ANKRD6: variants seen among roughly 807,000 people sequenced by gnomAD.
The protein encoded by ANKRD6 is ankyrin repeat domain-containing protein 6.
In ANKRD6, 56 loss-of-function variants were observed where a neutral mutation model predicts 82.3. The observed-to-expected ratio is 0.68, with a 90% CI of 0.55 to 0.85. The LOEUF is 0.85. Ranked by LOEUF, ANKRD6 falls within the 40% of genes least tolerant of loss-of-function variation. The pLI is 0.00. For synonymous variants in ANKRD6, 347 were observed against 352.1 expected (o/e 0.99, Z 0.16); for missense variants, 852 against 907.6 (o/e 0.94, Z 0.79).
chr6:89,477,224 G>A (rs902671795), intron 1 of ANKRD6, among the ~76,000 whole-genome samples: 18 of 152,084 alleles, frequency 1.2e-4, no homozygotes, highest in South Asian at 4.1e-4. Flanking sequence ...GATTACAGGC[G>A]TGAGCCACCG....
rs1772084393 is a variant in ANKRD6 at position 89,446,321 on chromosome 6, C to T, written c.-144+12946C>T. ...GAGTCAAGATCGTGCCATTGCACTC[C>T]AGCCTGGGCAACAAGGGCGAAACTT... On this transcript the variant is annotated intron_variant, in intron 1 of 15. Transcript: ENST00000339746. Among the ~76,000 whole-genome samples the T allele has an allele frequency of 3.3e-5, 5 of 151,900 alleles. No individual in the cohort carries two copies. The South Asian group carries it at 1.0e-3, about 32-fold the overall frequency.
rs960327335 is a variant in ANKRD6, at chr6:89,631,689, ATTGT to A, written c.*691_*694del. 7.1e-4 allele frequency: 108 copies of A among 152,332 alleles called. No homozygotes were observed. Among genetic ancestry groups the A allele is most frequent in the African/African-American group, 1.9e-3 (77 of 41,574 alleles). The allele number at this position is 152,332 out of a possible 1,614,324, so 9.4% of individuals were successfully genotyped here. A position where few individuals can be genotyped will look rare whatever the true frequency, so the allele number is the denominator to read the frequency against. ...ATGAGATCAAATGAGAAAGATTCAA[ATTGT>A]TTGTTATTTTCTGTATTTTCAGTCA... is the stretch of plus-strand genomic sequence containing the variant. On this transcript the variant is annotated 3_prime_UTR_variant, in exon 16 of 16. Coordinates refer to ENST00000339746, the MANE Select transcript of ANKRD6 (RefSeq NM_001242809.2).
chr6:89,552,690 C>A (rs1000708402), intron 1 of ANKRD6, among the ~76,000 whole-genome samples: 2 of 152,296 alleles, frequency 1.3e-5, no homozygotes, highest in Admixed American at 1.3e-4. Flanking sequence ...TGCTTATCAT[C>A]TACTCCCTTG....
chr6:89,462,243 AATAATAAT>A lies in ANKRD6; in HGVS notation c.-144+28870_-144+28877del, dbSNP rs1386814428. On this transcript the variant is annotated intron_variant, in intron 1 of 15. Transcript: ENST00000339746. ...TGAGACTCCATCTCAAAATAATAAT[AATAATAAT>A]AATAATAATAATAATAATAAATACA... 7.9e-3 allele frequency among the ~76,000 whole-genome samples: 1,163 copies of A among 147,682 alleles called. 23 individuals carry two copies. Among genetic ancestry groups the A allele is most frequent in the African/African-American group, 0.027 (1,081 of 40,650 alleles).
At chr6:89,602,957 T>A (rs1267449626) in intron 3 of ANKRD6, 72 bp from the exon 4 acceptor site, 9 of 1,277,110 alleles carry the variant, frequency 7.0e-6, no homozygotes, top group Non-Finnish European at 1.1e-6. Context: ...TGTGTCCAAG[T>A]GTCAAGTGAG....
intron 1 of ANKRD6, among the ~76,000 whole-genome samples, chr6:89,537,643 A>T (rs1049192585): frequency 6.6e-6 from 1 of 151,698 alleles, no homozygotes; most frequent in African/African-American, 2.4e-5. Context: ...AAGTAGCAAG[A>T]TGGCTCATGC....
intron 1 of ANKRD6, among the ~76,000 whole-genome samples, chr6:89,485,101 G>A (rs572292260): frequency 6.6e-6 from 1 of 152,248 alleles, no homozygotes; most frequent in Non-Finnish European, 1.5e-5. Context: ...GTCTCACCCA[G>A]CCCAATGAAG....
intron 1 of ANKRD6, among the ~76,000 whole-genome samples, chr6:89,468,196 T>C (rs2127782586): frequency 6.6e-6 from 1 of 152,330 alleles, no homozygotes; most frequent in Non-Finnish European, 1.5e-5. Flanking sequence ...AGTCTAAAAA[T>C]TCACATTTTA....
chr6:89,595,153 C>T (rs984067997), intron 2 of ANKRD6, among the ~76,000 whole-genome samples: 3 of 152,080 alleles, frequency 2.0e-5, no homozygotes, highest in African/African-American at 4.8e-5. Context: ...CATTTGAGGT[C>T]AGGAGTTCAA....
Position 89,617,998 on chromosome 6 carries a change from G to A in ANKRD6, c.759G>A (p.Pro253=), listed in dbSNP as rs779843875. 12 of 1,613,890 alleles carry A rather than the reference G, an allele frequency of 7.4e-6. No homozygotes were observed. Among genetic ancestry groups the A allele is most frequent in the African/African-American group, 6.7e-5 (5 of 74,906 alleles). The change falls in exon 9 of 16, where the codon CCG becomes CCA. Residue 253 remains proline (P), a synonymous_variant. Transcript: ENST00000339746. ...AGACTGCCCGCTACCACAATAACCCGGAAGTTGCTCTTCTCCTTACTAAAG... is the reference window on the plus strand; with the variant it reads ...AGACTGCCCGCTACCACAATAACCCAGAAGTTGCTCTTCTCCTTACTAAAG... The part of the protein sequence containing the change: ...PLETARYHNN[P]EVALLLTKAP...
intron 5 of ANKRD6, among the ~76,000 whole-genome samples, chr6:89,610,215 T>C (rs1040138775): frequency 7.2e-5 from 11 of 152,200 alleles, no homozygotes; most frequent in South Asian, 2.1e-4. Flanking sequence ...CCATAAGATA[T>C]AGAATGTTTC....
At chr6:89,486,774 A>G (rs1413201911) in intron 1 of ANKRD6, among the ~76,000 whole-genome samples, 4 of 152,076 alleles carry the variant, frequency 2.6e-5, no homozygotes, top group East Asian at 1.9e-4. Context: ...AGTTCTGTCA[A>G]TGGCCCTCTT....
intron 4 of ANKRD6, among the ~76,000 whole-genome samples, chr6:89,603,574 T>A (rs1797765383): frequency 6.6e-6 from 1 of 152,122 alleles, no homozygotes; most frequent in Non-Finnish European, 1.5e-5. Context: ...AATCTAGAAA[T>A]AAGGACCTAT....
At chr6:89,558,733 A>ATT (rs1480932703) in intron 1 of ANKRD6, among the ~76,000 whole-genome samples, 2 of 150,888 alleles carry the variant, frequency 1.3e-5, no homozygotes, top group African/African-American at 4.9e-5. Flanking sequence ...CTAGTTAATA[A>ATT]TACTGTATCA....
At chr6:89,547,659 T>A (rs1241117012) in intron 1 of ANKRD6, among the ~76,000 whole-genome samples, 1 of 152,186 alleles carries the variant, frequency 6.6e-6, no homozygotes, top group Non-Finnish European at 1.5e-5. Context: ...ATTTTCCTCT[T>A]TTTGACTGAA....
chr6:89,604,945 C>G (rs140880534), intron 4 of ANKRD6, among the ~76,000 whole-genome samples: 163 of 152,316 alleles, frequency 1.1e-3, no homozygotes, highest in Non-Finnish European at 1.8e-3. Flanking sequence ...TTGCCCTGCA[C>G]CCTTCCTTCT....
intron 1 of ANKRD6, among the ~76,000 whole-genome samples, chr6:89,435,306 A>T (rs2127918603): frequency 6.6e-6 from 1 of 152,302 alleles, no homozygotes; most frequent in South Asian, 2.1e-4. Context: ...GAACATCGCC[A>T]GGCCCCTGGA....
At chr6:89,527,640 AAAAC>A (rs1258210086) in intron 1 of ANKRD6, among the ~76,000 whole-genome samples, 1 of 151,766 alleles carries the variant, frequency 6.6e-6, no homozygotes, top group African/African-American at 2.4e-5. Context: ...AAAGAAAAGA[AAAAC>A]AAACTTTTGC....
Position 89,631,164 on chromosome 6 carries a change from C to T in ANKRD6, c.*160C>T. On this transcript the variant is annotated 3_prime_UTR_variant, in exon 16 of 16. Transcript: ENST00000339746. The stretch of plus-strand genomic sequence containing the variant: ...GTGCCAGATACATGTTTCCTATGCC[C>T]AGGAAGTTATGAAGACTTCAACAAT... 7.7e-7 allele frequency: 1 copy of T among 1,298,124 alleles called. No homozygotes were observed. Among genetic ancestry groups the T allele is most frequent in the Non-Finnish European group, 1.0e-6 (1 of 1,002,586 alleles). The allele number at this position is 1,298,124 out of a possible 1,614,324, so 80.4% of individuals were successfully genotyped here. A position where few individuals can be genotyped will look rare whatever the true frequency, so the allele number is the denominator to read the frequency against.
Sources: gnomAD v4.1 joint callset for allele counts (sites outside exome capture counted in the v4.1 genomes callset) on GRCh38, gnomAD v4.1.1 for gene constraint, MANE v1.5 for transcripts, NCBI Gene and HGNC (gene_info 2026-07-23, HGNC 2026-07-21) for gene names.